AGAP1: variants seen among roughly 807,000 people sequenced by gnomAD.
AGAP1 encodes ArfGAP with GTPase domain, ankyrin repeat and PH domain 1.
A neutral mutation model predicts 105.3 loss-of-function variants in AGAP1; 29 were observed. The observed-to-expected ratio is 0.28, with a 90% CI of 0.21 to 0.38. The LOEUF is 0.38. AGAP1 is among the 10% of genes least tolerant of loss of function. The probability of loss-of-function intolerance (pLI) is 1.00; values close to 1 mark genes in which losing one functional copy is unlikely to be tolerated. For synonymous variants in AGAP1, 509 were observed against 485.9 expected (o/e 1.05, Z -0.63); for missense variants, 998 against 1,165.1 (o/e 0.86, Z 2.09).
At position 235,744,612 on chromosome 2, in the gene AGAP1, T is replaced by C; in HGVS notation, c.397-86T>C. 6.5e-7 allele frequency: 1 copy of C among 1,545,396 alleles called. No individual in the cohort carries two copies. Among genetic ancestry groups the C allele is most frequent in the Non-Finnish European group, 8.9e-7 (1 of 1,126,974 alleles). ...GACCGAGGGGATTCCTGCAGCCCCCTGCTGCCTGCCGCCATGCAGACATCT... is the reference window on the plus strand; with the variant it reads ...GACCGAGGGGATTCCTGCAGCCCCCCGCTGCCTGCCGCCATGCAGACATCT... On this transcript the variant is annotated intron_variant, in intron 4 of 17. Transcript: ENST00000304032. The surrounding 1 kb of genome is among the most constrained non-coding windows in gnomAD (Gnocchi z 5.2).
intron 13 of AGAP1, among the ~76,000 whole-genome samples, chr2:235,972,215 T>C (rs1481957935): frequency 1.3e-5 from 2 of 152,250 alleles, no homozygotes; most frequent in African/African-American, 4.8e-5. Context: ...ATTACAGATA[T>C]AAAACTTCTA....
rs2054244434 is a variant in AGAP1, at chr2:235,962,772, T to G, written c.1484-5690T>G. Among the ~76,000 whole-genome samples the G allele has an allele frequency of 6.6e-6, 1 of 152,176 alleles. No homozygotes were observed. The highest frequency in any genetic ancestry group is 2.1e-4 in the South Asian group (1 of 4,830). On this transcript the variant is annotated intron_variant, in intron 12 of 17. Coordinates refer to ENST00000304032, the MANE Select transcript of AGAP1 (RefSeq NM_001037131.3). This position sits in a 1 kb window ranked among gnomAD's most constrained non-coding sequence, Gnocchi z 5.3. The stretch of plus-strand genomic sequence containing the variant: ...AGCTCTGGTTGAAATTCCATGGGGT[T>G]TCTCGCTATTGATATTTTAGGTATT...
intron 1 of AGAP1, among the ~76,000 whole-genome samples, chr2:235,583,216 A>G (rs1281717815): frequency 6.6e-6 from 1 of 151,490 alleles, no homozygotes; most frequent in Non-Finnish European, 1.5e-5. Flanking sequence ...TTGTTTTTAG[A>G]CCAAGTCTCA....
chr2:235,593,077 G>A (rs551740436), intron 1 of AGAP1, among the ~76,000 whole-genome samples: 4 of 152,330 alleles, frequency 2.6e-5, no homozygotes, highest in African/African-American at 9.6e-5. Context: ...TGGCTCGGAA[G>A]TGAGGGAGAG....
In AGAP1 at chr2:235,717,704, A is replaced by G. The variant is rs1951189367; in HGVS notation, c.310+60A>G. 2.8e-6 allele frequency: 4 copies of G among 1,416,120 alleles called. No individual in the cohort carries two copies. In the South Asian group the frequency reaches 3.8e-5, roughly 14 times the overall value. The allele number at this position is 1,416,120 out of a possible 1,614,324, so 87.7% of individuals were successfully genotyped here. On this transcript the variant is annotated intron_variant, in intron 3 of 17. Transcript: ENST00000304032. The stretch of plus-strand genomic sequence containing the variant: ...ATGTAGTTTTTTAAAATTTTTCCTT[A>G]GCATATTATAAATCATGACTTTGAT...
At chr2:235,846,616 C>G (rs1961527159) in intron 9 of AGAP1, among the ~76,000 whole-genome samples, 1 of 151,658 alleles carries the variant, frequency 6.6e-6, no homozygotes, top group Non-Finnish European at 1.5e-5. Flanking sequence ...CAGGCGTGAC[C>G]CACTGTGCCC....
rs1156753407 is a variant in AGAP1 at position 236,012,238 on chromosome 2, A to G, written c.1646-24323A>G. ...GAGCAGAGTGTGAAAAATGGAAGGCATAAAGCGGGCGAGGAAAGAGGCTTT... is the reference window on the plus strand; with the variant it reads ...GAGCAGAGTGTGAAAAATGGAAGGCGTAAAGCGGGCGAGGAAAGAGGCTTT... On this transcript the variant is annotated intron_variant, in intron 13 of 17. Transcript: ENST00000304032. This position sits in a 1 kb window ranked among gnomAD's most constrained non-coding sequence, Gnocchi z 4.9. 6.6e-6 allele frequency among the ~76,000 whole-genome samples: 1 copy of G among 152,148 alleles called. No homozygotes were observed. The highest frequency in any genetic ancestry group is 1.5e-5 in the Non-Finnish European group (1 of 68,030).
At chr2:235,921,351 A>G (rs529494278) in intron 11 of AGAP1, among the ~76,000 whole-genome samples, 1 of 152,382 alleles carries the variant, frequency 6.6e-6, no homozygotes, top group African/African-American at 2.4e-5. Flanking sequence ...GCCATAACCA[A>G]GAACAATGTA....
At chr2:235,972,596 C>T (rs1369475025) in intron 13 of AGAP1, among the ~76,000 whole-genome samples, 4 of 152,140 alleles carry the variant, frequency 2.6e-5, no homozygotes, top group African/African-American at 9.7e-5. Context: ...CTGTGGTGAC[C>T]GGGAAGGTGA....
chr2:235,655,101 A>G lies in AGAP1; in HGVS notation c.164-54078A>G, dbSNP rs1327776966. Among the ~76,000 whole-genome samples the G allele has an allele frequency of 6.6e-6, 1 of 151,892 alleles. No homozygotes were observed. Among genetic ancestry groups the G allele is most frequent in the African/African-American group, 2.4e-5 (1 of 41,370 alleles). ...TTTTTTTTTTGAGTTGTGTGTTAACAGAAACCTTTGTGCATTTGACACAAG... is the reference window on the plus strand; with the variant it reads ...TTTTTTTTTTGAGTTGTGTGTTAACGGAAACCTTTGTGCATTTGACACAAG... On this transcript the variant is annotated intron_variant, in intron 1 of 17. Coordinates refer to ENST00000304032, the MANE Select transcript of AGAP1 (RefSeq NM_001037131.3). The surrounding 1 kb of genome is among the most constrained non-coding windows in gnomAD (Gnocchi z 4.3).
rs1249649348 is a variant in AGAP1, at chr2:235,620,159, A to G, written c.164-89020A>G. 6.6e-6 allele frequency among the ~76,000 whole-genome samples: 1 copy of G among 152,164 alleles called. No homozygotes were observed. The highest frequency in any genetic ancestry group is 1.5e-5 in the Non-Finnish European group (1 of 68,038). On this transcript the variant is annotated intron_variant, in intron 1 of 17. Transcript: ENST00000304032. This position sits in a 1 kb window ranked among gnomAD's most constrained non-coding sequence, Gnocchi z 4.5. ...CCTGCCGGGCATGGATGCTGACAAT[A>G]GAACTACTTTCCAGAAATCAGCAAA...
chr2:235,875,320 A>T lies in AGAP1; in HGVS notation c.1051-8025A>T, dbSNP rs75129836. On this transcript the variant is annotated intron_variant, in intron 9 of 17. Coordinates refer to ENST00000304032, the MANE Select transcript of AGAP1 (RefSeq NM_001037131.3). The surrounding 1 kb of genome is among the most constrained non-coding windows in gnomAD (Gnocchi z 4.0). ...TTTTAAATTGTTGGGATGAACAAGC[A>T]CTTTGGGTTCCTGAGATCTTAGGAT... is the stretch of plus-strand genomic sequence containing the variant. 0.01 allele frequency among the ~76,000 whole-genome samples: 1,560 copies of T among 152,298 alleles called. 35 individuals are homozygous for T. The highest frequency in any genetic ancestry group is 0.036 in the African/African-American group (1,479 of 41,548).
Position 235,867,012 on chromosome 2 carries a change from G to A in AGAP1, c.1051-16333G>A, listed in dbSNP as rs935400691. Reference sequence around the variant, plus strand: ...CACAATGCAGCCCATAATAGTCATCGTCTAAGGGATGGGCGTCGGGGGGTG... The same window carrying A: ...CACAATGCAGCCCATAATAGTCATCATCTAAGGGATGGGCGTCGGGGGGTG... On this transcript the variant is annotated intron_variant, in intron 9 of 17. Coordinates refer to ENST00000304032, the MANE Select transcript of AGAP1 (RefSeq NM_001037131.3). This position sits in a 1 kb window ranked among gnomAD's most constrained non-coding sequence, Gnocchi z 5.4. 2.6e-5 allele frequency among the ~76,000 whole-genome samples: 4 copies of A among 152,304 alleles called. No homozygotes were observed. Among genetic ancestry groups the A allele is most frequent in the Admixed American group, 6.5e-5 (1 of 15,302 alleles).
intron 9 of AGAP1, among the ~76,000 whole-genome samples, chr2:235,876,031 C>A (rs2049708253): frequency 6.6e-6 from 1 of 152,192 alleles, no homozygotes; most frequent in African/African-American, 2.4e-5. Context: ...TGACCAAGAT[C>A]TCCTTGCTAT....
chr2:235,896,066 A>G (rs1575723317), intron 10 of AGAP1, among the ~76,000 whole-genome samples: 1 of 152,294 alleles, frequency 6.6e-6, no homozygotes, highest in East Asian at 1.9e-4. Flanking sequence ...GAACTTTTTC[A>G]TCTTACAAAA....
At position 235,905,442 on chromosome 2, in the gene AGAP1, C is replaced by G. The variant is rs1258963353; in HGVS notation, c.1156-3296C>G. ...GTAAACTAAAGATGCTTGAGAAAAA[C>G]CTTTTTTAGGAAGTGACCAACACTC... On this transcript the variant is annotated intron_variant, in intron 10 of 17. Coordinates refer to ENST00000304032, the MANE Select transcript of AGAP1 (RefSeq NM_001037131.3). The surrounding 1 kb of genome is among the most constrained non-coding windows in gnomAD (Gnocchi z 4.2). Among the ~76,000 whole-genome samples the G allele has an allele frequency of 6.6e-6, 1 of 152,156 alleles. No individual in the cohort carries two copies. Among genetic ancestry groups the G allele is most frequent in the Non-Finnish European group, 1.5e-5 (1 of 68,024 alleles).
rs923078133 is a variant in AGAP1 at position 235,588,978 on chromosome 2, C to T, written c.163+94129C>T. ...TGTATTTCCCACTGTTCGTTGTGCTCGTGCTGAGTTGTTTTCCTATCGAAA... is the reference window on the plus strand; with the variant it reads ...TGTATTTCCCACTGTTCGTTGTGCTTGTGCTGAGTTGTTTTCCTATCGAAA... On this transcript the variant is annotated intron_variant, in intron 1 of 17. Transcript: ENST00000304032. 9.2e-5 allele frequency among the ~76,000 whole-genome samples: 14 copies of T among 152,112 alleles called. No homozygotes were observed. The South Asian group carries it at 1.7e-3, about 18-fold the overall frequency.
intron 12 of AGAP1, among the ~76,000 whole-genome samples, chr2:235,946,492 G>A (rs10929153): frequency 0.6 from 91,341 of 151,872 alleles, 28,275 homozygotes; most frequent in South Asian, 0.75. Context: ...ACTTAAACAT[G>A]TAATATGTCC....
chr2:235,934,581 A>G lies in AGAP1; in HGVS notation c.1483+3658A>G, dbSNP rs184522020. 1.4e-3 allele frequency among the ~76,000 whole-genome samples: 209 copies of G among 152,322 alleles called. 2 individuals carry two copies. The East Asian group carries it at 0.022, about 16-fold the overall frequency. ...CAGCCTTGGCATAAACATTCCCTGC[A>G]GGGCTTAGAAAATAATCACAGAAGA... On this transcript the variant is annotated intron_variant, in intron 12 of 17. Transcript: ENST00000304032. This position sits in a 1 kb window ranked among gnomAD's most constrained non-coding sequence, Gnocchi z 4.9.
Sources: gnomAD v4.1 joint callset for allele counts (sites outside exome capture counted in the v4.1 genomes callset) on GRCh38, gnomAD v4.1.1 for gene constraint, Gnocchi (gnomAD v3.1) non-coding constraint, MANE v1.5 for transcripts, NCBI Gene and HGNC (gene_info 2026-07-23, HGNC 2026-07-21) for gene names.